Variants in MCUB observed in about 807,000 individuals in gnomAD.
MCUB encodes the protein mitochondrial calcium uniporter dominant negative subunit beta.
Under a neutral mutation model 41.4 loss-of-function variants are expected in MCUB, and 46 were observed. That is an observed-to-expected ratio of 1.11 (90% confidence interval 0.88 to 1.42). MCUB has a LOEUF of 1.42. MCUB is among the 40% of genes most tolerant of loss of function. The pLI is 0.00. For missense variants in MCUB, 403 were observed against 404.9 expected, an observed-to-expected ratio of 1.00 and a Z score of 0.04; for synonymous variants, 148 against 148.2, an observed-to-expected ratio of 1.00 and a Z score of 0.01.
chr4:109,562,662 G>A (rs1001920891), intron 1 of MCUB, among the ~76,000 whole-genome samples: 1 of 152,146 alleles, frequency 6.6e-6, no homozygotes, highest in Admixed American at 6.5e-5. Flanking sequence ...AGAAAAACAA[G>A]TAGTTTGTGA....
In MCUB at chr4:109,604,894, T is replaced by C. The variant is rs1727836568; in HGVS notation, c.99+44458T>C. On this transcript the variant is annotated intron_variant, in intron 1 of 7. Transcript: ENST00000394650. ...ACCCACCTGGTCATGGTGAATGACC[T>C]TTTCAATGTGTTCTAGATTTGGTTT... is the stretch of plus-strand genomic sequence containing the variant. Among the ~76,000 whole-genome samples the C allele has an allele frequency of 3.9e-5, 6 of 152,198 alleles. No individual in the cohort carries two copies. In the South Asian group the frequency reaches 1.2e-3, roughly 32 times the overall value.
At chr4:109,648,436 A>T (rs726583) in intron 1 of MCUB, 201,962 of 289,778 alleles carry the variant, frequency 0.7, 71,293 homozygotes, top group African/African-American at 0.83. Context: ...CTGTTTCTGT[A>T]CTGTATTAGC....
chr4:109,687,508 A>AT lies in MCUB; in HGVS notation c.934-6dup, dbSNP rs1381567624. On this transcript the variant is annotated splice_polypyrimidine_tract_variant and splice_region_variant and intron_variant, in intron 7 of 7. Coordinates refer to ENST00000394650, the MANE Select transcript of MCUB (RefSeq NM_017918.5). ...TGATCACATGCTTTTTCTTTTTCCC[A>AT]TGACAGGCTAAAGAATCCCTGAAAC... The AT allele has an allele frequency of 4.4e-6, 7 of 1,601,640 alleles. No individual in the cohort carries two copies. In the Admixed American group the frequency reaches 1.0e-4, roughly 23 times the overall value.
intron 1 of MCUB, among the ~76,000 whole-genome samples, chr4:109,611,082 TA>T (rs1727997597): frequency 6.7e-6 from 1 of 150,222 alleles, no homozygotes; most frequent in Non-Finnish European, 1.5e-5. Flanking sequence ...GAAAAACTTT[TA>T]TTCCTTTGAG....
intron 4 of MCUB, among the ~76,000 whole-genome samples, chr4:109,671,165 C>G (rs976454502): frequency 6.6e-6 from 1 of 152,192 alleles, no homozygotes; most frequent in African/African-American, 2.4e-5. Context: ...GATGGACTGA[C>G]AACTTTGGAG....
intron 1 of MCUB, among the ~76,000 whole-genome samples, chr4:109,603,465 C>T (rs1727793359): frequency 6.6e-6 from 1 of 152,214 alleles, no homozygotes; most frequent in Non-Finnish European, 1.5e-5. Context: ...CTCCCAGCTG[C>T]CTGCCTTGGC....
At chr4:109,574,290 G>T (rs539315713) in intron 1 of MCUB, among the ~76,000 whole-genome samples, 1 of 152,210 alleles carries the variant, frequency 6.6e-6, no homozygotes, top group Admixed American at 6.5e-5. Flanking sequence ...TTACTCCCAA[G>T]ATAGAGCAGA....
At chr4:109,601,738 T>G (rs973362985) in intron 1 of MCUB, among the ~76,000 whole-genome samples, 6 of 152,176 alleles carry the variant, frequency 3.9e-5, no homozygotes, top group African/African-American at 1.4e-4. Flanking sequence ...TTTCCTTTCT[T>G]TTGGGTATAG....
At chr4:109,674,713 T>G (rs2126149017) in intron 4 of MCUB, among the ~76,000 whole-genome samples, 1 of 152,390 alleles carries the variant, frequency 6.6e-6, no homozygotes, top group African/African-American at 2.4e-5. Flanking sequence ...AACATGAGAA[T>G]AACTTAAGGA....
At chr4:109,611,844 A>G (rs1728014583) in intron 1 of MCUB, among the ~76,000 whole-genome samples, 1 of 152,234 alleles carries the variant, frequency 6.6e-6, no homozygotes, top group South Asian at 2.1e-4. Flanking sequence ...TTCCACTGCT[A>G]GCTAAAACTA....
At chr4:109,599,416 A>G (rs562355221) in intron 1 of MCUB, among the ~76,000 whole-genome samples, 15 of 151,698 alleles carry the variant, frequency 9.9e-5, no homozygotes, top group African/African-American at 3.6e-4. Context: ...TTTTTTCTGA[A>G]TCTAAATTTT....
rs541538250 is a variant in MCUB at position 109,624,480 on chromosome 4, A to C, written c.100-34531A>C. On this transcript the variant is annotated intron_variant, in intron 1 of 7. Coordinates refer to ENST00000394650, the MANE Select transcript of MCUB (RefSeq NM_017918.5). ...AAAAGTTTTGAAGACATGTGAACACATTCAAAGGCCTTAGCAAGGTTCTGC... is the reference window on the plus strand; with the variant it reads ...AAAAGTTTTGAAGACATGTGAACACCTTCAAAGGCCTTAGCAAGGTTCTGC... 2.0e-5 allele frequency among the ~76,000 whole-genome samples: 3 copies of C among 152,370 alleles called. No homozygotes were observed. In the South Asian group the frequency reaches 6.2e-4, roughly 32 times the overall value.
chr4:109,604,370 T>C (rs1018346862), intron 1 of MCUB, among the ~76,000 whole-genome samples: 1 of 152,034 alleles, frequency 6.6e-6, no homozygotes, highest in Non-Finnish European at 1.5e-5. Flanking sequence ...CACCCAAGAA[T>C]GATCAATAAA....
At chr4:109,640,330 C>T (rs555914465) in intron 1 of MCUB, among the ~76,000 whole-genome samples, 14 of 152,300 alleles carry the variant, frequency 9.2e-5, no homozygotes, top group Admixed American at 4.6e-4. Flanking sequence ...ATGTGCAGGT[C>T]ACAGGGGATA....
At chr4:109,681,845 A>G (rs1729723628) in intron 4 of MCUB, among the ~76,000 whole-genome samples, 2 of 152,264 alleles carry the variant, frequency 1.3e-5, no homozygotes, top group South Asian at 4.1e-4. Context: ...CAGCTCGAGC[A>G]GTAACAAACA....
intron 1 of MCUB, among the ~76,000 whole-genome samples, chr4:109,606,405 G>T (rs564408435): frequency 2.0e-5 from 3 of 151,956 alleles, no homozygotes; most frequent in South Asian, 4.2e-4. Flanking sequence ...TTTGTTTTGT[G>T]GTTGTTTTGT....
At chr4:109,611,702 A>G (rs1400724217) in intron 1 of MCUB, among the ~76,000 whole-genome samples, 1 of 152,132 alleles carries the variant, frequency 6.6e-6, no homozygotes, top group Non-Finnish European at 1.5e-5. Flanking sequence ...CAATCTAGAC[A>G]TGTATTTCTT....
At position 109,685,228 on chromosome 4, in the gene MCUB, TTCTC is replaced by T. The variant is rs201871696; in HGVS notation, c.817-15_817-12del. 4.4e-5 allele frequency: 41 copies of T among 931,674 alleles called. No individual in the cohort carries two copies. The highest frequency in any genetic ancestry group is 4.4e-4 in the East Asian group (18 of 41,196). The allele number at this position is 931,674 out of a possible 1,614,324, so 57.7% of individuals were successfully genotyped here. A position where few individuals can be genotyped will look rare whatever the true frequency, so the allele number is the denominator to read the frequency against. ...TGTTCATTCAAAACATGTTGTTTTCTTCTCTCTCTCTTTTTTTTTAAGGATTATA... is the reference window on the plus strand; with the variant it reads ...TGTTCATTCAAAACATGTTGTTTTCTTCTCTCTTTTTTTTTAAGGATTATA... On this transcript the variant is annotated intron_variant, in intron 6 of 7. Transcript: ENST00000394650.
At chr4:109,640,767 A>G (rs1276703762) in intron 1 of MCUB, among the ~76,000 whole-genome samples, 3 of 152,230 alleles carry the variant, frequency 2.0e-5, no homozygotes, top group Non-Finnish European at 4.4e-5. Flanking sequence ...CATATCAGCA[A>G]TAAGGCTATT....
Sources: allele counts gnomAD v4.1 joint callset (sites outside exome capture counted in the v4.1 genomes callset), GRCh38; gene constraint gnomAD v4.1.1; transcripts MANE v1.5; gene names NCBI Gene and HGNC (gene_info 2026-07-23, HGNC 2026-07-21).